Variants in ATP2B2 observed in about 807,000 individuals in gnomAD.
ATP2B2 encodes the protein plasma membrane calcium-transporting ATPase 2.
Under a neutral mutation model 120.0 loss-of-function variants are expected in ATP2B2, and 15 were observed. The observed-to-expected ratio is 0.12, with a 90% CI of 0.08 to 0.19. The LOEUF (loss-of-function observed/expected upper bound fraction) is 0.19. Among genes scored for constraint, ATP2B2 ranks in the 10% least tolerant of loss-of-function variants. ATP2B2 has a pLI of 1.00. For synonymous variants in ATP2B2, 694 were observed against 700.3 expected (o/e 0.99, Z 0.14); for missense variants, 1,045 against 1,719.8 (o/e 0.61, Z 6.94).
intron 1 of ATP2B2, among the ~76,000 whole-genome samples, chr3:10,652,106 G>T (rs1252522799): frequency 6.6e-6 from 1 of 151,988 alleles, no homozygotes. Context: ...CAGATAATGG[G>T]GCTATTTTTT....
intron 2 of ATP2B2, among the ~76,000 whole-genome samples, chr3:10,577,136 G>A (rs1336255401): frequency 6.6e-6 from 1 of 151,632 alleles, no homozygotes; most frequent in African/African-American, 2.4e-5. Flanking sequence ...CTTGATGGAA[G>A]TCCAGGCACT....
At chr3:10,496,993 G>A (rs2066179074) in intron 1 of ATP2B2, among the ~76,000 whole-genome samples, 1 of 152,240 alleles carries the variant, frequency 6.6e-6, no homozygotes, top group East Asian at 1.9e-4. Flanking sequence ...CTCTGCAGAA[G>A]CCACTTGGAG....
At position 10,483,036 on chromosome 3, in the gene ATP2B2, C is replaced by T. The variant is rs368616746; in HGVS notation, c.-320+22429G>A. Among the ~76,000 whole-genome samples the T allele has an allele frequency of 1.1e-4, 17 of 152,312 alleles. No individual in the cohort carries two copies. In the East Asian group the frequency reaches 1.5e-3, roughly 14 times the overall value. ...CAGAGAGGTGAAGTCGCTTACCCAACGTGACACAGCTCATAGGGGCAGGGT... is the reference window on the plus strand; with the variant it reads ...CAGAGAGGTGAAGTCGCTTACCCAATGTGACACAGCTCATAGGGGCAGGGT... On this transcript the variant is annotated intron_variant, in intron 1 of 22. Transcript: ENST00000360273.
At chr3:10,640,983 A>C (rs1027842614) in intron 1 of ATP2B2, among the ~76,000 whole-genome samples, 2 of 152,184 alleles carry the variant, frequency 1.3e-5, no homozygotes, top group African/African-American at 4.8e-5. Context: ...TGTGGAGGAC[A>C]ATGTGAATGG....
In ATP2B2 at chr3:10,473,498, G is replaced by A. The variant is rs191950584; in HGVS notation, c.-319-23636C>T. Among the ~76,000 whole-genome samples, 410 of 152,226 alleles carry A rather than the reference G, an allele frequency of 2.7e-3. 2 individuals carry two copies. The highest frequency in any genetic ancestry group is 9.5e-3 in the African/African-American group (394 of 41,532). On this transcript the variant is annotated intron_variant, in intron 1 of 22. Transcript: ENST00000360273. ...AATACAAAAATCAGCTGTGTGCGGC[G>A]GTGTACACCTGTAATCCCAGCTACT...
At chr3:10,656,566 A>G (rs1366373232) in intron 1 of ATP2B2, among the ~76,000 whole-genome samples, 1 of 152,172 alleles carries the variant, frequency 6.6e-6, no homozygotes, top group African/African-American at 2.4e-5. Context: ...CACCAGTCAA[A>G]TGCAGTAATT....
intron 2 of ATP2B2, among the ~76,000 whole-genome samples, chr3:10,609,192 C>T (rs901601984): frequency 2.1e-4 from 32 of 152,110 alleles, no homozygotes; most frequent in African/African-American, 7.5e-4. Context: ...CCTCACTTAC[C>T]CTCCTGGGTG....
At position 10,515,944 on chromosome 3, in the gene ATP2B2, G is replaced by A. The variant is rs897049526; in HGVS notation, c.-320+18095C>T. Among the ~76,000 whole-genome samples the A allele has an allele frequency of 4.6e-5, 7 of 152,288 alleles. No homozygotes were observed. In the East Asian group the frequency reaches 1.4e-3, roughly 29 times the overall value. ...AAGTATCTCCATCTTGTGTGGCATGGTGTGGCAGCAGTCTTGTTCTGGAGT... is the reference window on the plus strand; with the variant it reads ...AAGTATCTCCATCTTGTGTGGCATGATGTGGCAGCAGTCTTGTTCTGGAGT... On this transcript the variant is annotated intron_variant, in intron 3 of 21. Coordinates refer to the ATP2B2 transcript ENST00000646379.
chr3:10,470,446 C>A (rs963544996), intron 1 of ATP2B2, among the ~76,000 whole-genome samples: 1 of 152,210 alleles, frequency 6.6e-6, no homozygotes, highest in South Asian at 2.1e-4. Context: ...CTGAGCCACA[C>A]TGTCCCCAGG....
rs148560963 is a variant in ATP2B2 at position 10,342,849 on chromosome 3, G to A, written c.2820C>T (p.Tyr940=). 562 of 1,614,138 alleles carry A rather than the reference G, an allele frequency of 3.5e-4. 2 individuals are homozygous for A. The highest frequency in any genetic ancestry group is 1.7e-3 in the South Asian group (153 of 91,068). The part of the protein sequence containing the change: ...PTETLLLRKP[Y]GRNKPLISRT... ...TGGAGATGAGCGGCTTGTTGCGGCC[G>A]TACGGCTTCCTCAGCAGCAGGGTCT... The change falls in exon 19 of 23, where the codon TAC becomes TAT. Residue 940 remains tyrosine, a synonymous_variant. Coordinates refer to ENST00000360273, the MANE Select transcript of ATP2B2 (RefSeq NM_001001331.4). The surrounding 1 kb of genome is among the most constrained non-coding windows in gnomAD (Gnocchi z 4.4).
intron 1 of ATP2B2, among the ~76,000 whole-genome samples, chr3:10,496,224 T>C (rs1482731819): frequency 6.6e-6 from 1 of 152,176 alleles, no homozygotes; most frequent in Admixed American, 6.5e-5. Flanking sequence ...CCAGCAACCT[T>C]TGCATCCCAA....
At chr3:10,337,405 C>A (rs1318889221) in intron 22 of ATP2B2, among the ~76,000 whole-genome samples, 4 of 152,168 alleles carry the variant, frequency 2.6e-5, no homozygotes, top group Non-Finnish European at 5.9e-5. Context: ...CCACAGAGTC[C>A]CTTCTGACCC....
chr3:10,330,641 C>T (rs1226432224), intron 22 of ATP2B2, among the ~76,000 whole-genome samples: 3 of 152,208 alleles, frequency 2.0e-5, no homozygotes, highest in Non-Finnish European at 4.4e-5. Flanking sequence ...GCACCACAGG[C>T]CTGCGGGGAG....
chr3:10,553,007 T>G (rs1043774971), intron 2 of ATP2B2, among the ~76,000 whole-genome samples: 1 of 152,216 alleles, frequency 6.6e-6, no homozygotes, highest in Non-Finnish European at 1.5e-5. Flanking sequence ...ATCCAACTGC[T>G]CTGTCCTCTA....
intron 1 of ATP2B2, among the ~76,000 whole-genome samples, chr3:10,692,495 G>A (rs2071682964): frequency 6.6e-6 from 1 of 152,198 alleles, no homozygotes; most frequent in African/African-American, 2.4e-5. Flanking sequence ...GGATGCGCAC[G>A]TTCTGGGGGG....
At chr3:10,490,708 A>G (rs1459611384) in intron 1 of ATP2B2, among the ~76,000 whole-genome samples, 1 of 152,138 alleles carries the variant, frequency 6.6e-6, no homozygotes, top group Non-Finnish European at 1.5e-5. Flanking sequence ...AATCCACAGC[A>G]TTCTTATCCA....
chr3:10,564,994 AAAT>A (rs1237156854), intron 2 of ATP2B2, among the ~76,000 whole-genome samples: 1 of 152,182 alleles, frequency 6.6e-6, no homozygotes, highest in African/African-American at 2.4e-5. Flanking sequence ...AGATGAGTAG[AAAT>A]AATATGTGTC....
intron 22 of ATP2B2, among the ~76,000 whole-genome samples, chr3:10,336,451 G>T (rs1574938454): frequency 2.0e-5 from 3 of 152,182 alleles, no homozygotes; most frequent in Admixed American, 2.0e-4. Context: ...ACACTCCAAG[G>T]CTCTGAAAAA....
chr3:10,621,167 CT>C (rs1469207127), intron 1 of ATP2B2, among the ~76,000 whole-genome samples: 1 of 152,198 alleles, frequency 6.6e-6, no homozygotes, highest in Non-Finnish European at 1.5e-5. Flanking sequence ...TTGCTGGGCC[CT>C]GATCCTCCCT....
Sources: gnomAD v4.1 joint callset for allele counts (sites outside exome capture counted in the v4.1 genomes callset) on GRCh38, gnomAD v4.1.1 for gene constraint, Gnocchi (gnomAD v3.1) non-coding constraint, MANE v1.5 for transcripts, NCBI Gene and HGNC (gene_info 2026-07-23, HGNC 2026-07-21) for gene names.